Variants in SUGCT observed in about 807,000 individuals in gnomAD.
The protein encoded by SUGCT is succinyl-CoA:glutarate CoA-transferase.
In SUGCT, 41 loss-of-function variants were observed where a neutral mutation model predicts 55.0. The observed-to-expected ratio is 0.74, with a 90% CI of 0.58 to 0.97. The LOEUF is 0.97. SUGCT is among the 50% of genes least tolerant of loss of function. SUGCT has a pLI of 0.00. For synonymous variants in SUGCT, 187 were observed against 200.4 expected (o/e 0.93, Z 0.56); for missense variants, 568 against 547.8 (o/e 1.04, Z -0.37).
At chr7:40,186,861 A>G (rs1488374705) in intron 3 of SUGCT, among the ~76,000 whole-genome samples, 1 of 152,234 alleles carries the variant, frequency 6.6e-6, no homozygotes, top group Non-Finnish European at 1.5e-5. Flanking sequence ...GGTGCTCATT[A>G]AATATTTGTT....
intron 6 of SUGCT, among the ~76,000 whole-genome samples, chr7:40,222,870 C>T (rs1274984865): frequency 6.6e-6 from 1 of 152,076 alleles, no homozygotes; most frequent in Non-Finnish European, 1.5e-5. Context: ...CCTTGTGATC[C>T]ACCTGCCTAA....
At chr7:40,202,250 G>C (rs1166216955) in intron 6 of SUGCT, among the ~76,000 whole-genome samples, 1 of 152,182 alleles carries the variant, frequency 6.6e-6, no homozygotes, top group Non-Finnish European at 1.5e-5. Context: ...TGGGATTATA[G>C]ACGTGAGCCA....
intron 12 of SUGCT, among the ~76,000 whole-genome samples, chr7:40,660,857 C>CT: frequency 6.6e-6 from 1 of 152,286 alleles, no homozygotes; most frequent in South Asian, 2.1e-4. Flanking sequence ...CACCATTCTC[C>CT]TTGTGCCCTC....
At chr7:40,528,689 T>C (rs1007822034) in intron 12 of SUGCT, among the ~76,000 whole-genome samples, 9 of 152,216 alleles carry the variant, frequency 5.9e-5, no homozygotes, top group African/African-American at 9.6e-5. Context: ...GGATTTGATG[T>C]GGATATTTCA....
chr7:40,412,842 C>A (rs1353030057), intron 9 of SUGCT, among the ~76,000 whole-genome samples: 1 of 151,964 alleles, frequency 6.6e-6, no homozygotes, highest in Admixed American at 6.6e-5. Context: ...TTGGAGGGTC[C>A]AGAGAGTTTT....
intron 7 of SUGCT, among the ~76,000 whole-genome samples, chr7:40,263,571 A>G (rs1047480659): frequency 7.9e-5 from 12 of 152,216 alleles, no homozygotes; most frequent in African/African-American, 2.9e-4. Flanking sequence ...TTCTGTAACA[A>G]AGATTGCTTG....
chr7:40,851,321 TAA>T (rs5883744), intron 13 of SUGCT, among the ~76,000 whole-genome samples: 69 of 150,670 alleles, frequency 4.6e-4, no homozygotes, highest in African/African-American at 1.7e-3. Context: ...TTTGTAAATG[TAA>T]AAAAAAAATG....
the SUGCT span, among the ~76,000 whole-genome samples, chr7:40,916,104 C>G: frequency 1.4e-5 from 2 of 141,290 alleles, no homozygotes; most frequent in South Asian, 2.3e-4. Context: ...CACACACACA[C>G]AGATATACAT....
At chr7:40,633,179 C>A (rs974558830) in intron 12 of SUGCT, among the ~76,000 whole-genome samples, 3 of 152,114 alleles carry the variant, frequency 2.0e-5, no homozygotes, top group African/African-American at 7.2e-5. Context: ...CTTACTCATT[C>A]TTTTTATCAC....
At chr7:40,222,030 AT>A in intron 6 of SUGCT, among the ~76,000 whole-genome samples, 1 of 152,308 alleles carries the variant, frequency 6.6e-6, no homozygotes, top group Non-Finnish European at 1.5e-5. Context: ...TTCTGCAAAT[AT>A]TTCCTGTGGA....
At position 40,332,455 on chromosome 7, in the gene SUGCT, GT is replaced by G. The variant is rs376638391; in HGVS notation, c.816+15613del. ...GAATCTGCATTGGATTTTTTTTTTT[GT>G]TTTTTTTTTTTTACATAGTTAAATT... On this transcript the variant is annotated intron_variant, in intron 9 of 13. Coordinates refer to ENST00000335693, the MANE Select transcript of SUGCT (RefSeq NM_001193313.2). Among the ~76,000 whole-genome samples the G allele has an allele frequency of 3.9e-3, 506 of 129,334 alleles. 3 individuals are homozygous for G. The highest frequency in any genetic ancestry group is 0.035 in the Middle Eastern group (9 of 258). 84.8% of individuals were successfully genotyped at this position (129,334 alleles called of 152,430 possible).
intron 7 of SUGCT, among the ~76,000 whole-genome samples, chr7:40,273,877 C>T (rs554149083): frequency 1.3e-5 from 2 of 152,114 alleles, no homozygotes; most frequent in African/African-American, 4.8e-5. Flanking sequence ...AAGCTCATGC[C>T]CTGTGCCCAG....
chr7:40,964,457 A>G, the SUGCT span, among the ~76,000 whole-genome samples: 2 of 152,222 alleles, frequency 1.3e-5, no homozygotes, highest in African/African-American at 4.8e-5. Flanking sequence ...AGAGGGGTTC[A>G]GGAAAGCACA....
chr7:40,277,769 C>T (rs1027125257), intron 8 of SUGCT, among the ~76,000 whole-genome samples: 5 of 151,432 alleles, frequency 3.3e-5, no homozygotes, highest in Non-Finnish European at 5.9e-5. Context: ...ACATGTGCCA[C>T]GCTGGTGTGT....
At chr7:41,012,920 A>T in the SUGCT span, among the ~76,000 whole-genome samples, 1 of 151,982 alleles carries the variant, frequency 6.6e-6, no homozygotes, top group South Asian at 2.1e-4. Flanking sequence ...CACATTCAGA[A>T]CTCTAGTAAA....
At chr7:40,458,982 C>T in intron 10 of SUGCT, 119 bp from the exon 11 acceptor site, 1 of 639,904 alleles carries the variant, frequency 1.6e-6, no homozygotes, top group Non-Finnish European at 2.8e-6. Context: ...TGTTGAGGGG[C>T]ATAAAGACCA....
At chr7:40,263,498 A>C (rs1791363328) in intron 7 of SUGCT, among the ~76,000 whole-genome samples, 3 of 152,184 alleles carry the variant, frequency 2.0e-5, no homozygotes, top group African/African-American at 7.2e-5. Context: ...TTGGGGTCTC[A>C]TCTTGACTTT....
chr7:40,190,964 C>T (rs1471466544), intron 5 of SUGCT, among the ~76,000 whole-genome samples: 2 of 152,102 alleles, frequency 1.3e-5, no homozygotes, highest in Non-Finnish European at 2.9e-5. Flanking sequence ...AGTTCAAACC[C>T]CTGTTGTTCA....
chr7:40,557,452 C>A (rs1795608600), intron 12 of SUGCT, among the ~76,000 whole-genome samples: 1 of 152,100 alleles, frequency 6.6e-6, no homozygotes, highest in South Asian at 2.1e-4. Context: ...TGGGCTTCAT[C>A]AAAATTAAAA....
Sources: allele counts gnomAD v4.1 joint callset (sites outside exome capture counted in the v4.1 genomes callset), GRCh38; gene constraint gnomAD v4.1.1; transcripts MANE v1.5; gene names NCBI Gene and HGNC (gene_info 2026-07-23, HGNC 2026-07-21).